Variants in MBD2 observed in about 807,000 individuals in gnomAD.
MBD2 encodes methyl-CpG binding domain protein 2.
Under a neutral mutation model 39.3 loss-of-function variants are expected in MBD2, and 9 were observed. The observed-to-expected ratio is 0.23, with a 90% CI of 0.14 to 0.40. The LOEUF is 0.40. Among genes scored for constraint, MBD2 ranks in the 10% least tolerant of loss-of-function variants. The pLI, the probability that MBD2 is intolerant of heterozygous loss-of-function variation, is 1.00. For missense variants in MBD2, 458 were observed against 532.6 expected (o/e 0.86, Z 1.38); for synonymous variants, 233 against 211.1 (o/e 1.10, Z -0.90).
chr18:54,174,900 G>T (rs1204316462), intron 3 of MBD2, among the ~76,000 whole-genome samples: 1 of 152,190 alleles, frequency 6.6e-6, no homozygotes, highest in Admixed American at 6.5e-5. Flanking sequence ...TACTGAGAAA[G>T]GCACGGCTCC....
chr18:54,222,585 A>C (rs1194735361), intron 1 of MBD2, among the ~76,000 whole-genome samples: 1 of 152,212 alleles, frequency 6.6e-6, no homozygotes, highest in Non-Finnish European at 1.5e-5. Flanking sequence ...CTCTCGCCCC[A>C]GCCCCGTAAC....
intron 4 of MBD2, among the ~76,000 whole-genome samples, 165 bp downstream of exon 4, chr18:54,165,911 T>C (rs1195466858): frequency 6.6e-6 from 1 of 152,212 alleles, no homozygotes; most frequent in African/African-American, 2.4e-5. Context: ...ATGTACCTTC[T>C]TCCTGGCTTT....
chr18:54,168,687 G>A (rs955847670), intron 3 of MBD2, among the ~76,000 whole-genome samples: 1 of 144,646 alleles, frequency 6.9e-6, no homozygotes, highest in African/African-American at 2.6e-5. Context: ...GCAACCCAGG[G>A]GAGAAATGGG....
chr18:54,189,263 G>A (rs1254366319), intron 2 of MBD2, among the ~76,000 whole-genome samples: 7 of 136,818 alleles, frequency 5.1e-5, no homozygotes, highest in Admixed American at 4.9e-4. Flanking sequence ...TCACTCTGTC[G>A]CCCAGGCTGG....
chr18:54,210,782 G>A (rs2086497711), intron 1 of MBD2, among the ~76,000 whole-genome samples: 1 of 151,996 alleles, frequency 6.6e-6, no homozygotes, highest in Admixed American at 6.6e-5. Context: ...ATACTTTATG[G>A]GGAATAATAA....
intron 2 of MBD2, among the ~76,000 whole-genome samples, chr18:54,191,240 G>C (rs533875365): frequency 6.6e-6 from 1 of 152,304 alleles, no homozygotes; most frequent in African/African-American, 2.4e-5. Context: ...CAGCAGGTCT[G>C]AGATAGGGCC....
intron 1 of MBD2, 107 bp downstream of exon 1, chr18:54,223,911 C>CT (rs1240223508): frequency 2.3e-5 from 22 of 957,758 alleles, no homozygotes; most frequent in Non-Finnish European, 3.2e-5. Flanking sequence ...CAGCCTGTCC[C>CT]TGCCACATGC....
intron 6 of MBD2, among the ~76,000 whole-genome samples, chr18:54,157,765 AAACAG>A: frequency 6.6e-6 from 1 of 152,270 alleles, no homozygotes; most frequent in Non-Finnish European, 1.5e-5. Flanking sequence ...TTCCCCTACC[AAACAG>A]AGTTCCCTCC....
At chr18:54,182,297 G>A (rs1000565961) in intron 3 of MBD2, among the ~76,000 whole-genome samples, 1 of 152,142 alleles carries the variant, frequency 6.6e-6, no homozygotes, top group Non-Finnish European at 1.5e-5. Flanking sequence ...AAACACTAAG[G>A]AATGTCTCTA....
chr18:54,169,468 T>G (rs2086163511), intron 3 of MBD2, among the ~76,000 whole-genome samples: 1 of 152,230 alleles, frequency 6.6e-6, no homozygotes. Flanking sequence ...CATTTCCTGA[T>G]GTACTCACTT....
intron 6 of MBD2, among the ~76,000 whole-genome samples, chr18:54,158,541 C>T (rs957873265): frequency 2.0e-5 from 3 of 152,162 alleles, no homozygotes; most frequent in Non-Finnish European, 4.4e-5. Context: ...AAGATCTGCA[C>T]GTGCTCCTCT....
chr18:54,201,005 G>A (rs941912545), intron 2 of MBD2, among the ~76,000 whole-genome samples: 7 of 151,774 alleles, frequency 4.6e-5, no homozygotes, highest in South Asian at 2.1e-4. Context: ...GCATGAACCC[G>A]GGAGGCAGAG....
chr18:54,163,776 A>G (rs908761646), intron 5 of MBD2, among the ~76,000 whole-genome samples: 2 of 152,006 alleles, frequency 1.3e-5, no homozygotes, highest in Non-Finnish European at 2.9e-5. Flanking sequence ...CCGTGTCACA[A>G]GTAAGTTTAA....
intron 2 of MBD2, chr18:54,202,585 C>T: frequency 2.5e-6 from 1 of 392,518 alleles, no homozygotes; most frequent in South Asian, 8.4e-5. Flanking sequence ...ACTTTCTGAC[C>T]ATTTAAATAA....
At chr18:54,156,047 C>T (rs1183146729) in intron 6 of MBD2, among the ~76,000 whole-genome samples, 2 of 152,096 alleles carry the variant, frequency 1.3e-5, no homozygotes, top group East Asian at 3.9e-4. Context: ...TGAGGCTGGC[C>T]GACCTGAAGG....
At chr18:54,216,980 T>C (rs957344180) in intron 1 of MBD2, among the ~76,000 whole-genome samples, 7 of 152,128 alleles carry the variant, frequency 4.6e-5, no homozygotes, top group African/African-American at 1.2e-4. Flanking sequence ...TCCCGGCTAC[T>C]TGGGAAGCTG....
At chr18:54,214,742 C>CTT (rs1009315641) in intron 1 of MBD2, among the ~76,000 whole-genome samples, 3 of 69,826 alleles carry the variant, frequency 4.3e-5, no homozygotes, top group South Asian at 1.1e-3. Flanking sequence ...TTTTAGAATT[C>CTT]TTTTTTTTTT....
intron 1 of MBD2, among the ~76,000 whole-genome samples, chr18:54,219,081 G>A (rs2086586824): frequency 6.6e-6 from 1 of 151,926 alleles, no homozygotes; most frequent in Non-Finnish European, 1.5e-5. Flanking sequence ...AGGCACAGAA[G>A]ACCCTACACT....
At chr18:54,217,941 A>G (rs1054140012) in intron 1 of MBD2, among the ~76,000 whole-genome samples, 5 of 152,240 alleles carry the variant, frequency 3.3e-5, no homozygotes, top group African/African-American at 9.6e-5. Context: ...ATGTGATAGT[A>G]CAGCTAAGGA....
Sources: allele counts gnomAD v4.1 joint callset (sites outside exome capture counted in the v4.1 genomes callset), GRCh38; gene constraint gnomAD v4.1.1; transcripts MANE v1.5; gene names NCBI Gene and HGNC (gene_info 2026-07-23, HGNC 2026-07-21).